Variants in NKAIN2 observed in about 807,000 individuals in gnomAD.
NKAIN2 encodes sodium/potassium transporting ATPase interacting 2.
Under a neutral mutation model 32.6 loss-of-function variants are expected in NKAIN2, and 14 were observed. That is an observed-to-expected ratio of 0.43 (90% CI 0.28 to 0.67). The LOEUF (loss-of-function observed/expected upper bound fraction) is 0.67. NKAIN2 is among the 30% of genes least tolerant of loss of function. The pLI, the probability that NKAIN2 is intolerant of heterozygous loss-of-function variation, is 0.17. For missense variants in NKAIN2, 198 were observed against 258.3 expected, an observed-to-expected ratio of 0.77 and a Z score of 1.60; for synonymous variants, 80 against 87.2, an observed-to-expected ratio of 0.92 and a Z score of 0.46.
At position 124,711,156 on chromosome 6, in the gene NKAIN2, GC is replaced by G. The variant is rs1245341661; in HGVS notation, c.474+52775del. Reference sequence around the variant, plus strand: ...TTTTCTTTAAGAATGTTGAATATTGGCCCCCACTCTCTTCTGGCTTGTAGCG... The same window carrying G: ...TTTTCTTTAAGAATGTTGAATATTGGCCCCACTCTCTTCTGGCTTGTAGCG... On this transcript the variant is annotated intron_variant, in intron 4 of 6. Transcript: ENST00000368417. Among the ~76,000 whole-genome samples the G allele has an allele frequency of 2.4e-4, 33 of 138,956 alleles. 2 individuals carry two copies. The East Asian group carries it at 6.8e-3, about 29-fold the overall frequency. The allele number at this position is 138,956 out of a possible 152,430, so 91.2% of individuals were successfully genotyped here. A position where few individuals can be genotyped will look rare whatever the true frequency, so the allele number is the denominator to read the frequency against.
chr6:124,620,155 C>T (rs1234188837), intron 3 of NKAIN2, among the ~76,000 whole-genome samples: 4 of 152,142 alleles, frequency 2.6e-5, no homozygotes, highest in African/African-American at 9.7e-5. Context: ...CTGTAGCTTT[C>T]TGATTTTTCT....
chr6:124,223,523 C>CTGCT (rs1430295580), intron 1 of NKAIN2, among the ~76,000 whole-genome samples: 1 of 152,096 alleles, frequency 6.6e-6, no homozygotes, highest in Admixed American at 6.6e-5. Context: ...ATACAAGACA[C>CTGCT]TGCTATTGTA....
At chr6:123,921,215 A>G (rs571638685) in intron 1 of NKAIN2, among the ~76,000 whole-genome samples, 7 of 152,340 alleles carry the variant, frequency 4.6e-5, no homozygotes, top group Non-Finnish European at 8.8e-5. Context: ...TTGTTTGCCC[A>G]TCTGAAAGGC....
intron 3 of NKAIN2, chr6:124,437,847 G>A (rs1158519430): frequency 7.6e-6 from 3 of 394,810 alleles, no homozygotes; most frequent in African/African-American, 4.5e-5. Flanking sequence ...TAGCTGAATT[G>A]TAGGGAATAC....
intron 4 of NKAIN2, among the ~76,000 whole-genome samples, chr6:124,756,228 C>T (rs1003791361): frequency 1.1e-4 from 16 of 152,146 alleles, no homozygotes; most frequent in African/African-American, 3.4e-4. Flanking sequence ...CTGGATAAAA[C>T]GCCTTCCCAA....
intron 4 of NKAIN2, among the ~76,000 whole-genome samples, chr6:124,665,291 G>A (rs1772734343): frequency 6.6e-6 from 1 of 152,150 alleles, no homozygotes; most frequent in South Asian, 2.1e-4. Flanking sequence ...AAACAGTATG[G>A]TATTGGCATA....
intron 2 of NKAIN2, among the ~76,000 whole-genome samples, chr6:124,347,150 T>C (rs1289131073): frequency 2.6e-5 from 4 of 152,228 alleles, no homozygotes; most frequent in African/African-American, 4.8e-5. Context: ...TTTAAGAATG[T>C]TGAATATTGG....
At chr6:124,318,877 T>G (rs1456121142) in intron 2 of NKAIN2, among the ~76,000 whole-genome samples, 2 of 152,072 alleles carry the variant, frequency 1.3e-5, no homozygotes, top group Non-Finnish European at 2.9e-5. Flanking sequence ...GTCTGCTGAG[T>G]AAACAAGTCT....
intron 3 of NKAIN2, among the ~76,000 whole-genome samples, chr6:124,657,305 T>A (rs1281456708): frequency 6.6e-6 from 1 of 152,178 alleles, no homozygotes; most frequent in African/African-American, 2.4e-5. Flanking sequence ...TTAGAACTTA[T>A]CTTCCTTCAT....
intron 1 of NKAIN2, among the ~76,000 whole-genome samples, chr6:124,208,279 A>G (rs1790995451): frequency 6.6e-6 from 1 of 151,964 alleles, no homozygotes; most frequent in South Asian, 2.1e-4. Flanking sequence ...AAGATTTAGT[A>G]TAGCCCCTGG....
At chr6:124,083,764 C>G (rs184563536) in intron 1 of NKAIN2, among the ~76,000 whole-genome samples, 1 of 150,326 alleles carries the variant, frequency 6.7e-6, no homozygotes, top group Admixed American at 6.6e-5. Flanking sequence ...TCACATGTGT[C>G]TTTCAGTCTA....
intron 1 of NKAIN2, among the ~76,000 whole-genome samples, chr6:123,941,882 C>G (rs1776843840): frequency 6.6e-6 from 1 of 151,770 alleles, no homozygotes; most frequent in African/African-American, 2.4e-5. Context: ...CTTTTTTTTA[C>G]CAATCCCTTC....
intron 1 of NKAIN2, among the ~76,000 whole-genome samples, chr6:123,899,438 C>T (rs1245189728): frequency 6.6e-6 from 1 of 152,070 alleles, no homozygotes; most frequent in Non-Finnish European, 1.5e-5. Flanking sequence ...TTTTAGAATT[C>T]ATGATCACAG....
intron 1 of NKAIN2, among the ~76,000 whole-genome samples, chr6:124,033,170 C>T (rs902217312): frequency 9.9e-5 from 15 of 152,022 alleles, no homozygotes; most frequent in Non-Finnish European, 8.8e-5. Context: ...ACAATGAATT[C>T]GCTACTTACA....
chr6:124,251,476 A>T (rs1315087312), intron 1 of NKAIN2, among the ~76,000 whole-genome samples: 1 of 152,054 alleles, frequency 6.6e-6, no homozygotes, highest in African/African-American at 2.4e-5. Context: ...TTTACCAAAT[A>T]TGTAAAAAAC....
chr6:124,490,528 T>C (rs535038869), intron 3 of NKAIN2: 6 of 333,300 alleles, frequency 1.8e-5, no homozygotes, highest in South Asian at 1.6e-4. Flanking sequence ...TACCCAAGTA[T>C]TTAGTAGAGG....
intron 1 of NKAIN2, among the ~76,000 whole-genome samples, chr6:123,953,057 C>T (rs1777399804): frequency 1.3e-5 from 2 of 152,218 alleles, no homozygotes; most frequent in Admixed American, 6.5e-5. Flanking sequence ...GAAGTTATGT[C>T]TATGGTATTG....
At chr6:123,805,815 G>C (rs1445766323) in intron 1 of NKAIN2, among the ~76,000 whole-genome samples, 1 of 152,116 alleles carries the variant, frequency 6.6e-6, no homozygotes, top group Non-Finnish European at 1.5e-5. Flanking sequence ...CTGTGTGAAA[G>C]CATAAAAATG....
intron 3 of NKAIN2, among the ~76,000 whole-genome samples, chr6:124,527,510 T>A (rs1779363762): frequency 6.6e-6 from 1 of 152,214 alleles, no homozygotes; most frequent in Admixed American, 6.6e-5. Flanking sequence ...CACACTTTCT[T>A]ATTGTGGGGG....
Sources: gnomAD v4.1 joint callset for allele counts (sites outside exome capture counted in the v4.1 genomes callset) on GRCh38, gnomAD v4.1.1 for gene constraint, MANE v1.5 for transcripts, NCBI Gene and HGNC (gene_info 2026-07-23, HGNC 2026-07-21) for gene names.